ATP7B: variants seen among roughly 807,000 people sequenced by gnomAD.
The protein encoded by ATP7B is ATPase copper transporting beta.
In ATP7B, 113 loss-of-function variants were observed where a neutral mutation model predicts 118.9. The ratio of observed to expected loss-of-function variants is 0.95; its 90% confidence interval spans 0.82 to 1.11. The LOEUF (loss-of-function observed/expected upper bound fraction) is 1.11. Ranked by LOEUF, ATP7B falls within the 50% of genes most tolerant of loss-of-function variation. ATP7B has a pLI of 0.00. For missense variants in ATP7B, 1,867 were observed against 1,871.4 expected, an observed-to-expected ratio of 1.00 and a Z score of 0.04; for synonymous variants, 777 against 727.4, an observed-to-expected ratio of 1.07 and a Z score of -1.10.
chr13:51,962,260 T>C (rs1026141901), intron 5 of ATP7B, among the ~76,000 whole-genome samples: 2 of 152,186 alleles, frequency 1.3e-5, no homozygotes, highest in African/African-American at 2.4e-5. Context: ...ATAAATACCT[T>C]GCCCAAAGCC....
At position 52,006,197 on chromosome 13, in the gene ATP7B, TC is replaced by T. The variant is rs1764797751; in HGVS notation, c.51+5089del. ...AATAAATTCGTGGGTAAATCTTTGT[TC>T]GGGGCTCTCAGCACTGAACACGGAT... On this transcript the variant is annotated intron_variant, in intron 1 of 20. Transcript: ENST00000242839. 5.9e-5 allele frequency among the ~76,000 whole-genome samples: 9 copies of T among 152,180 alleles called. No individual in the cohort carries two copies. The South Asian group carries it at 1.7e-3, about 28-fold the overall frequency.
intron 13 of ATP7B, 142 bp from the exon 14 acceptor site, chr13:51,944,433 G>A (rs993346013): frequency 4.2e-5 from 46 of 1,089,334 alleles, no homozygotes; most frequent in African/African-American, 2.6e-4. Context: ...ATCCTCTGTC[G>A]TTCAATCTCA....
intron 1 of ATP7B, among the ~76,000 whole-genome samples, chr13:52,009,245 T>A (rs771085045): frequency 1.3e-5 from 2 of 152,166 alleles, no homozygotes; most frequent in Non-Finnish European, 2.9e-5. Context: ...CAGACAAAAG[T>A]AGTCCTACTG....
intron 15 of ATP7B, among the ~76,000 whole-genome samples, chr13:51,942,056 A>T (rs1957363864): frequency 6.6e-6 from 1 of 152,134 alleles, no homozygotes; most frequent in Non-Finnish European, 1.5e-5. Flanking sequence ...TACCATACAG[A>T]ATGGAAACAG....
Position 51,974,708 on chromosome 13 carries a change from A to G in ATP7B, c.512T>C (p.Val171Ala), listed in dbSNP as rs936120525. 5.6e-6 allele frequency: 9 copies of G among 1,613,306 alleles called. No individual in the cohort carries two copies. The African/African-American group carries it at 1.2e-4, about 22-fold the overall frequency. Reference protein sequence around the residue: ...IEGKVRKLQGVVRVKVSLSNQ... With the variant: ...IEGKVRKLQGAVRVKVSLSNQ... ...GCTGAGTGAGACTTTGACTCTCACT[A>G]CTCCTTGCAGTTTCCGGACCTTGCC... The change falls in exon 2 of 21, where the codon GTA becomes GCA. Residue 171 changes from valine (V) to alanine (A), a missense_variant. By Grantham distance (64) the Val-to-Ala change is moderately conservative. Transcript: ENST00000242839.
intron 9 of ATP7B, among the ~76,000 whole-genome samples, chr13:51,955,682 T>C (rs754325757): frequency 3.3e-5 from 5 of 151,600 alleles, no homozygotes; most frequent in Admixed American, 1.3e-4. Context: ...GCAAGGCGAG[T>C]TGGAGGAAAC....
At chr13:51,940,100 A>T (rs923812771) in intron 16 of ATP7B, among the ~76,000 whole-genome samples, 1 of 135,712 alleles carries the variant, frequency 7.4e-6, no homozygotes, top group Non-Finnish European at 1.5e-5. Flanking sequence ...ACAACCTCCA[A>T]CTCCCGGGTT....
At chr13:51,970,431 A>G in intron 3 of ATP7B, 61 bp downstream of exon 3, 1 of 1,607,042 alleles carries the variant, frequency 6.2e-7, no homozygotes, top group Non-Finnish European at 8.5e-7. Context: ...GGTATTCTGA[A>G]GGGAGAATAC....
At chr13:51,941,350 CTCT>C in intron 15 of ATP7B, 126 bp from the exon 16 acceptor site, 1 of 1,170,984 alleles carries the variant, frequency 8.5e-7, no homozygotes, top group Non-Finnish European at 1.2e-6. Context: ...TTGTAAGCAC[CTCT>C]TGTGACAGCA....
rs111901413 is a variant in ATP7B at position 51,934,608 on chromosome 13, G to A, written c.*148C>T. ...CCCAGCTGCACCCAGACAAGGCCGC[G>A]TGCTGCAGGGCAGGATGACTGGACA... On this transcript the variant is annotated 3_prime_UTR_variant, in exon 21 of 21. Transcript: ENST00000242839. The A allele has an allele frequency of 6.9e-4, 917 of 1,327,580 alleles. 3 individuals carry two copies. In the African/African-American group the frequency reaches 0.011, roughly 17 times the overall value. The allele number at this position is 1,327,580 out of a possible 1,614,324, so 82.2% of individuals were successfully genotyped here. A position where few individuals can be genotyped will look rare whatever the true frequency, so the allele number is the denominator to read the frequency against.
Position 51,958,307 on chromosome 13 carries a change from T to C in ATP7B, c.2355+4A>G, listed in dbSNP as rs776572343. On this transcript the variant is annotated splice_donor_region_variant and intron_variant, in intron 8 of 20. Transcript: ENST00000242839. ...CTCTTTTCTGAACCTGAAGCTGCTG[T>C]TACCTTTGCCAAGTGTTCCAGCCAC... The C allele has an allele frequency of 2.5e-6, 4 of 1,613,980 alleles. No individual in the cohort carries two copies. The highest frequency in any genetic ancestry group is 1.7e-5 in the Admixed American group (1 of 60,002).
chr13:51,960,000 A>G (rs1472339468), intron 7 of ATP7B, 148 bp downstream of exon 7: 1 of 1,138,808 alleles, frequency 8.8e-7, no homozygotes, highest in East Asian at 2.5e-5. Flanking sequence ...AGAGAAAAAA[A>G]GCAGCAACTG....
At chr13:51,981,954 A>G (rs1041858901) in intron 1 of ATP7B, among the ~76,000 whole-genome samples, 8 of 152,020 alleles carry the variant, frequency 5.3e-5, no homozygotes, top group Non-Finnish European at 1.0e-4. Context: ...ATACGGCCCA[A>G]CACAAATTTG....
intron 13 of ATP7B, among the ~76,000 whole-genome samples, chr13:51,945,514 C>T (rs964745970): frequency 6.6e-6 from 1 of 152,146 alleles, no homozygotes; most frequent in East Asian, 1.9e-4. Flanking sequence ...CTCAGATGAA[C>T]GTTCGTATTC....
chr13:51,951,739 G>A (rs1204219928), intron 9 of ATP7B, among the ~76,000 whole-genome samples: 1 of 152,114 alleles, frequency 6.6e-6, no homozygotes, highest in Non-Finnish European at 1.5e-5. Context: ...CACACCAAAC[G>A]CTGCACAAGT....
At position 51,934,824 on chromosome 13, in the gene ATP7B, C is replaced by T. The variant is rs1956858968; in HGVS notation, c.4330G>A (p.Ala1444Thr). 5.0e-6 allele frequency: 8 copies of T among 1,614,080 alleles called. No individual in the cohort carries two copies. The highest frequency in any genetic ancestry group is 6.8e-6 in the Non-Finnish European group (8 of 1,180,058). ...CACTTGTCCCCATCATCGTCTGCTGCAGCGCTGTGCCGAGATGGCTTGTCG... is the reference window on the plus strand; with the variant it reads ...CACTTGTCCCCATCATCGTCTGCTGTAGCGCTGTGCCGAGATGGCTTGTCG... ...TSDKPSRHSA[A>T]ADDDGDKWSL... Residue 1444 changes from alanine to threonine, a missense_variant, in exon 21 of 21, where the codon GCA (alanine) becomes ACA (threonine). Ala to Thr is a moderately conservative substitution (Grantham distance 58). Coordinates refer to ENST00000242839, the MANE Select transcript of ATP7B (RefSeq NM_000053.4).
At chr13:51,997,745 A>G (rs1186299855) in intron 1 of ATP7B, among the ~76,000 whole-genome samples, 1 of 152,256 alleles carries the variant, frequency 6.6e-6, no homozygotes, top group African/African-American at 2.4e-5. Flanking sequence ...GAATACGATT[A>G]AACAAACGAG....
chr13:51,937,535 C>T lies in ATP7B; in HGVS notation c.3844G>A (p.Val1282Met), dbSNP rs1362240104. Residue 1282 changes from valine (V) to methionine (M), a missense_variant, in exon 18 of 21, where the codon GTG becomes ATG. Transcript: ENST00000242839. ...ACATCCGTGCCGGTGCCAATGGCCA[C>T]ACCCATGTCTGCCTGGGCCAAGGCC... The part of the protein sequence containing the change: ...SPALAQADMG[V>M]AIGTGTDVAI... 24 of 1,614,138 alleles carry T rather than the reference C, an allele frequency of 1.5e-5. No individual in the cohort carries two copies. The highest frequency in any genetic ancestry group is 1.7e-5 in the Non-Finnish European group (20 of 1,180,052).
At chr13:52,007,567 A>G (rs1011140772) in intron 1 of ATP7B, among the ~76,000 whole-genome samples, 7 of 152,226 alleles carry the variant, frequency 4.6e-5, no homozygotes, top group Admixed American at 2.0e-4. Context: ...TTTTCTTCAC[A>G]CCAACCAATG....
Sources: allele counts gnomAD v4.1 joint callset (sites outside exome capture counted in the v4.1 genomes callset), GRCh38; gene constraint gnomAD v4.1.1; transcripts MANE v1.5; gene names NCBI Gene and HGNC (gene_info 2026-07-23, HGNC 2026-07-21).